Variants in CEP89 observed in about 807,000 individuals in gnomAD.
CEP89 encodes centrosomal protein 89, also known as centrosomal protein of 89 kDa.
In CEP89, 95 loss-of-function variants were observed where a neutral mutation model predicts 97.6. The ratio of observed to expected loss-of-function variants is 0.97; its 90% CI spans 0.82 to 1.15. CEP89 has a LOEUF of 1.15. CEP89 is among the 50% of genes most tolerant of loss of function. The pLI is 0.00. For synonymous variants in CEP89, 354 were observed against 349.1 expected (o/e 1.01, Z -0.16); for missense variants, 869 against 947.7 (o/e 0.92, Z 1.09).
intron 8 of CEP89, among the ~76,000 whole-genome samples, 184 bp downstream of exon 8, chr19:32,933,267 T>C (rs1970512664): frequency 6.6e-6 from 1 of 152,170 alleles, no homozygotes; most frequent in African/African-American, 2.4e-5. Context: ...GGAATTTCTT[T>C]AGTGTAATAA....
At chr19:32,904,666 A>T (rs1043474343) in intron 14 of CEP89, among the ~76,000 whole-genome samples, 1 of 147,610 alleles carries the variant, frequency 6.8e-6, no homozygotes, top group Non-Finnish European at 1.5e-5. Context: ...ACCTCCACTC[A>T]CTGCAACCTC....
At chr19:32,926,341 A>G (rs562120038) in intron 10 of CEP89, 68 bp from the exon 11 acceptor site, 1 of 1,117,094 alleles carries the variant, frequency 9.0e-7, no homozygotes, top group African/African-American at 1.6e-5. Context: ...AAATTTTTAA[A>G]TGGCAAGAAG....
chr19:32,919,004 C>T (rs1970193182), intron 12 of CEP89, among the ~76,000 whole-genome samples: 4 of 151,402 alleles, frequency 2.6e-5, no homozygotes, highest in Admixed American at 2.6e-4. Context: ...CCTGCCTCAG[C>T]CTCCCAAGTA....
At chr19:32,901,494 A>G in intron 14 of CEP89, 82 bp from the exon 15 acceptor site, 2 of 1,415,454 alleles carry the variant, frequency 1.4e-6, no homozygotes, top group Non-Finnish European at 1.9e-6. Context: ...AAGATGAGTG[A>G]TAACAGCCCA....
chr19:32,962,412 A>G (rs1458717229), intron 2 of CEP89, among the ~76,000 whole-genome samples: 1 of 152,198 alleles, frequency 6.6e-6, no homozygotes, highest in East Asian at 1.9e-4. Context: ...CTGAGGTAGT[A>G]TCTTTACAGC....
chr19:32,961,216 G>C (rs1457647124), intron 2 of CEP89, among the ~76,000 whole-genome samples: 1 of 151,902 alleles, frequency 6.6e-6, no homozygotes, highest in Non-Finnish European at 1.5e-5. Context: ...GTCTGGCCTG[G>C]GTACTGGGGA....
chr19:32,898,543 A>G (rs1969692495), intron 16 of CEP89, among the ~76,000 whole-genome samples: 1 of 152,200 alleles, frequency 6.6e-6, no homozygotes, highest in African/African-American at 2.4e-5. Context: ...GTATATTTCA[A>G]TATAGCTAGC....
chr19:32,891,167 C>A (rs1969508050), intron 16 of CEP89, among the ~76,000 whole-genome samples: 1 of 152,236 alleles, frequency 6.6e-6, no homozygotes, highest in Non-Finnish European at 1.5e-5. Flanking sequence ...CTAACAGCAA[C>A]CCCACCCCCT....
At chr19:32,886,935 G>A (rs571370754) in intron 17 of CEP89, among the ~76,000 whole-genome samples, 33 of 149,092 alleles carry the variant, frequency 2.2e-4, no homozygotes, top group African/African-American at 7.4e-4. Flanking sequence ...AGCACTTTGG[G>A]AGGGCCGAGT....
intron 14 of CEP89, among the ~76,000 whole-genome samples, chr19:32,912,687 T>A (rs1050155427): frequency 1.3e-5 from 2 of 152,210 alleles, no homozygotes; most frequent in African/African-American, 4.8e-5. Context: ...TTCTGCCTTT[T>A]TTCTATGTAC....
At chr19:32,881,652 G>T (rs909642540) in intron 18 of CEP89, among the ~76,000 whole-genome samples, 192 bp downstream of exon 18, 6 of 152,158 alleles carry the variant, frequency 3.9e-5, no homozygotes, top group African/African-American at 1.4e-4. Context: ...TCAAACAAGA[G>T]GAATTTTTAA....
At chr19:32,897,663 G>A (rs1969672174) in intron 16 of CEP89, among the ~76,000 whole-genome samples, 1 of 152,068 alleles carries the variant, frequency 6.6e-6, no homozygotes, top group Admixed American at 6.6e-5. Context: ...CTAGGCTTAA[G>A]TGATCCTCCT....
At position 32,915,392 on chromosome 19, in the gene CEP89, A is replaced by G. The variant is rs1426341116; in HGVS notation, c.1510T>C (p.Ser504Pro). The change falls in exon 14 of 19, where the codon TCG becomes CCG. Residue 504 changes from serine to proline, a missense_variant. By Grantham distance (74) the Ser-to-Pro change is moderately conservative. Coordinates refer to ENST00000305768, the MANE Select transcript of CEP89 (RefSeq NM_032816.5). Reference protein sequence around the residue: ...RAKCQELKTHSDGKIAVEVHK... With the variant: ...RAKCQELKTHPDGKIAVEVHK... ...ACTTCCACTGCGATTTTGCCATCCG[A>G]GTGTGTTTTGAGTTCTTGGCATTTG... is the stretch of plus-strand genomic sequence containing the variant. 6.2e-7 allele frequency: 1 copy of G among 1,613,232 alleles called. No homozygotes were observed. Among genetic ancestry groups the G allele is most frequent in the Non-Finnish European group, 8.5e-7 (1 of 1,179,746 alleles).
At chr19:32,908,524 C>G (rs1224088499) in intron 14 of CEP89, among the ~76,000 whole-genome samples, 1 of 152,184 alleles carries the variant, frequency 6.6e-6, no homozygotes. Context: ...AGGAATTCAT[C>G]AGAGCTCGAA....
chr19:32,945,284 C>T (rs1037757427), intron 5 of CEP89, among the ~76,000 whole-genome samples: 3 of 95,836 alleles, frequency 3.1e-5, no homozygotes, highest in Non-Finnish European at 4.2e-5. Flanking sequence ...AACTATGTTT[C>T]AAAAAAAAAA....
At chr19:32,911,813 G>C (rs1458796120) in intron 14 of CEP89, among the ~76,000 whole-genome samples, 3 of 152,168 alleles carry the variant, frequency 2.0e-5, no homozygotes, top group East Asian at 3.8e-4. Flanking sequence ...GGGAGAAGGA[G>C]GAGTTGGAGA....
intron 1 of CEP89, among the ~76,000 whole-genome samples, chr19:32,967,259 T>C (rs1418233825): frequency 1.3e-5 from 2 of 152,164 alleles, no homozygotes; most frequent in African/African-American, 2.4e-5. Context: ...CTATACACAA[T>C]GAAAGTCAGA....
chr19:32,885,642 G>A (rs190772628), intron 17 of CEP89, among the ~76,000 whole-genome samples: 2 of 152,270 alleles, frequency 1.3e-5, no homozygotes, highest in East Asian at 3.9e-4. Flanking sequence ...TCTTAAAGTC[G>A]TATGTCTTGG....
At chr19:32,897,187 T>C (rs1295126404) in intron 16 of CEP89, among the ~76,000 whole-genome samples, 1 of 152,210 alleles carries the variant, frequency 6.6e-6, no homozygotes, top group Non-Finnish European at 1.5e-5. Flanking sequence ...GGACCACATG[T>C]AGGAAAGCTT....
Sources: gnomAD v4.1 joint callset for allele counts (sites outside exome capture counted in the v4.1 genomes callset) on GRCh38, gnomAD v4.1.1 for gene constraint, MANE v1.5 for transcripts, NCBI Gene and HGNC (gene_info 2026-07-23, HGNC 2026-07-21) for gene names.